The following MCTP2 variants were observed in gnomAD, a reference collection of about 807,000 sequenced individuals.
MCTP2 encodes multiple C2 and transmembrane domain-containing protein 2.
A neutral mutation model predicts 111.6 loss-of-function variants in MCTP2; 132 were observed. The ratio of observed to expected loss-of-function variants is 1.18; its 90% CI spans 1.03 to 1.37. The LOEUF (loss-of-function observed/expected upper bound fraction) is 1.37. Ranked by LOEUF, MCTP2 falls within the 40% of genes most tolerant of loss-of-function variation. The pLI is 0.00. For missense variants in MCTP2, 1,183 were observed against 1,067.9 expected, an observed-to-expected ratio of 1.11 and a Z score of -1.50; for synonymous variants, 395 against 387.7, an observed-to-expected ratio of 1.02 and a Z score of -0.22.
chr15:94,417,079 G>A (rs1049385981), intron 17 of MCTP2, among the ~76,000 whole-genome samples: 4 of 152,150 alleles, frequency 2.6e-5, no homozygotes, highest in African/African-American at 9.7e-5. Flanking sequence ...CAAACAGGTG[G>A]TGATGGTTTA....
At chr15:94,286,318 G>T (rs2074752483) in intron 1 of MCTP2, among the ~76,000 whole-genome samples, 1 of 152,040 alleles carries the variant, frequency 6.6e-6, no homozygotes, top group African/African-American at 2.4e-5. Flanking sequence ...TACACCATCA[G>T]ATTTTTTACT....
intron 20 of MCTP2, among the ~76,000 whole-genome samples, chr15:94,467,397 A>C (rs1016531080): frequency 3.7e-5 from 4 of 108,566 alleles, no homozygotes; most frequent in Non-Finnish European, 6.0e-5. Context: ...GTTGTACCTG[A>C]TATAGTTGTT....
At chr15:94,433,465 A>T (rs1370327828) in intron 17 of MCTP2, among the ~76,000 whole-genome samples, 1 of 151,894 alleles carries the variant, frequency 6.6e-6, no homozygotes, top group African/African-American at 2.4e-5. Context: ...AACATACGTG[A>T]TTTTTCTGTT....
chr15:94,448,962 A>G (rs2084282736), intron 19 of MCTP2, among the ~76,000 whole-genome samples: 1 of 152,156 alleles, frequency 6.6e-6, no homozygotes, highest in African/African-American at 2.4e-5. Flanking sequence ...AATTGCTTGA[A>G]CTGGGAGGCA....
At position 94,243,135 on chromosome 15, in the gene MCTP2, G is replaced by A. The variant is rs111170799; in HGVS notation, c.-66+11471G>A. On this transcript the variant is annotated intron_variant, in intron 1 of 22. Transcript: ENST00000357742. ...GGTGTGTATATATGTATCTACGGGT[G>A]TGGATATATTTATATACGTGTGTGT... 3.6e-4 allele frequency among the ~76,000 whole-genome samples: 53 copies of A among 146,600 alleles called. 14 individuals are homozygous for A. The highest frequency in any genetic ancestry group is 1.3e-3 in the African/African-American group (52 of 39,974).
At chr15:94,405,364 T>C (rs2081847927) in intron 17 of MCTP2, among the ~76,000 whole-genome samples, 1 of 152,244 alleles carries the variant, frequency 6.6e-6, no homozygotes, top group Non-Finnish European at 1.5e-5. Flanking sequence ...TTTAAGACTT[T>C]ATGAAAGCAA....
chr15:94,464,261 A>ATATATATATTATAT (rs1555481443), intron 20 of MCTP2, among the ~76,000 whole-genome samples: 54 of 43,080 alleles, frequency 1.3e-3, no homozygotes, highest in Non-Finnish European at 1.9e-3. Flanking sequence ...TATATATTAT[A>ATATATATATTATAT]TATATATATA....
At chr15:94,242,616 T>C (rs997115730) in intron 1 of MCTP2, among the ~76,000 whole-genome samples, 3 of 152,042 alleles carry the variant, frequency 2.0e-5, no homozygotes, top group Non-Finnish European at 2.9e-5. Flanking sequence ...AGTAACAATT[T>C]TAAAAATCTA....
chr15:94,333,392 A>AT (rs2077216089), intron 4 of MCTP2, among the ~76,000 whole-genome samples: 1 of 151,908 alleles, frequency 6.6e-6, no homozygotes, highest in Non-Finnish European at 1.5e-5. Flanking sequence ...AGATGGGAAT[A>AT]TTTTTTCTTT....
intron 12 of MCTP2, among the ~76,000 whole-genome samples, chr15:94,371,408 T>A (rs1179155587): frequency 1.3e-5 from 2 of 152,228 alleles, no homozygotes; most frequent in African/African-American, 4.8e-5. Flanking sequence ...CATTAGTGGT[T>A]CTGTCATCCC....
At chr15:94,389,496 A>T (rs1386797303) in intron 14 of MCTP2, among the ~76,000 whole-genome samples, 6 of 151,766 alleles carry the variant, frequency 4.0e-5, no homozygotes, top group Non-Finnish European at 8.8e-5. Context: ...GAGAGAGAAG[A>T]CTCTTCCCAG....
Position 94,482,707 on chromosome 15 carries a change from A to C in MCTP2, c.*3673A>C, listed in dbSNP as rs540187639. 2.0e-5 allele frequency: 3 copies of C among 152,380 alleles called. No individual in the cohort carries two copies. The South Asian group carries it at 6.2e-4, about 32-fold the overall frequency. The allele number at this position is 152,380 out of a possible 1,614,324, so 9.4% of individuals were successfully genotyped here. ...AAAAGTGATCAAAACTACATGCTTC[A>C]AGAAATTAAACCTTGAAGAACTCAA... On this transcript the variant is annotated 3_prime_UTR_variant, in exon 23 of 23. Transcript: ENST00000357742.
In MCTP2 at chr15:94,470,344, G is replaced by T. The variant is rs764453294; in HGVS notation, c.2372G>T (p.Trp791Leu). 6.2e-7 allele frequency: 1 copy of T among 1,612,530 alleles called. No homozygotes were observed. The highest frequency in any genetic ancestry group is 1.1e-5 in the South Asian group (1 of 91,048). Residue 791 changes from tryptophan to leucine, a missense_variant, in exon 21 of 23, where the codon TGG becomes TTG. Physicochemically the swap from Trp to Leu is moderately conservative, Grantham distance 61. Transcript: ENST00000357742. ...TGGTTTGTCTACAGCACATTTAACT[G>T]GACGGTCCCCTTCCTTTCATCTCTG... is the stretch of plus-strand genomic sequence containing the variant. ...FGERIKNTFN[W>L]TVPFLSSLAC...
intron 2 of MCTP2, among the ~76,000 whole-genome samples, chr15:94,304,954 T>G (rs294545): frequency 0.38 from 57,838 of 151,932 alleles, 11,512 homozygotes; most frequent in Middle Eastern, 0.49. Context: ...ACTTCATTAA[T>G]TGTAAGGCTG....
intron 1 of MCTP2, among the ~76,000 whole-genome samples, chr15:94,294,345 T>G (rs1228736035): frequency 1.3e-5 from 2 of 152,218 alleles, no homozygotes; most frequent in Non-Finnish European, 1.5e-5. Context: ...AAGCCAATTT[T>G]GTTTTAGAAT....
chr15:94,428,609 C>G (rs937309076), intron 17 of MCTP2, among the ~76,000 whole-genome samples: 3 of 152,110 alleles, frequency 2.0e-5, no homozygotes, highest in Non-Finnish European at 4.4e-5. Flanking sequence ...TGTTTAACCC[C>G]TTTCTCCACC....
chr15:94,457,428 A>G (rs1031721112), intron 19 of MCTP2, among the ~76,000 whole-genome samples: 1 of 152,258 alleles, frequency 6.6e-6, no homozygotes, highest in African/African-American at 2.4e-5. Flanking sequence ...TCCATTTCAC[A>G]TGAAGCATTG....
intron 20 of MCTP2, among the ~76,000 whole-genome samples, chr15:94,462,267 T>C (rs1027748745): frequency 3.3e-5 from 5 of 152,210 alleles, no homozygotes; most frequent in East Asian, 1.9e-4. Context: ...TTCTTCCATA[T>C]TAGTGAGCTC....
intron 2 of MCTP2, among the ~76,000 whole-genome samples, chr15:94,306,930 A>C (rs1200502081): frequency 6.6e-6 from 1 of 152,156 alleles, no homozygotes; most frequent in Non-Finnish European, 1.5e-5. Context: ...GCAAAATTAA[A>C]CAAGTGCGTC....
Sources: gnomAD v4.1 joint callset for allele counts (sites outside exome capture counted in the v4.1 genomes callset) on GRCh38, gnomAD v4.1.1 for gene constraint, MANE v1.5 for transcripts, NCBI Gene and HGNC (gene_info 2026-07-23, HGNC 2026-07-21) for gene names.